Variants in ASZ1 observed in about 807,000 individuals in gnomAD.
ASZ1 encodes the protein ankyrin repeat, SAM and basic leucine zipper domain-containing protein 1.
ASZ1 carries 67 observed loss-of-function variants against 61.8 expected under a neutral mutation model. The observed-to-expected ratio is 1.08, with a 90% CI of 0.89 to 1.33. ASZ1 has a LOEUF of 1.33. ASZ1 is among the 40% of genes most tolerant of loss of function. The pLI is 0.00. For synonymous variants in ASZ1, 193 were observed against 192.7 expected, an observed-to-expected ratio of 1.00 and a Z score of -0.01; for missense variants, 577 against 554.5, an observed-to-expected ratio of 1.04 and a Z score of -0.41.
chr7:117,419,534 A>T (rs538999005), intron 4 of ASZ1, among the ~76,000 whole-genome samples: 17 of 152,350 alleles, frequency 1.1e-4, no homozygotes, highest in Admixed American at 3.9e-4. Flanking sequence ...ACTCATTTTA[A>T]AGATTAAATG....
rs770060817 is a variant in ASZ1 at position 117,368,710 on chromosome 7, C to T, written c.1063G>A (p.Glu355Lys). 6.2e-7 allele frequency: 1 copy of T among 1,612,362 alleles called. No homozygotes were observed. Among genetic ancestry groups the T allele is most frequent in the African/African-American group, 1.3e-5 (1 of 74,834 alleles). ...AATTTGAGAAGAAAGTTGAGGAACT[C>T]ATCACCACTAAAGAAAGGAAACAAA... is the stretch of plus-strand genomic sequence containing the variant. ...EETKLEISGD[E>K]FLNFLLKLNK... Residue 355 changes from glutamate (E) to lysine (K), a missense_variant, in exon 11 of 13, where the codon GAG (glutamate) becomes AAG (lysine). Glu to Lys is a moderately conservative substitution (Grantham distance 56, BLOSUM62 1). Coordinates refer to ENST00000284629, the MANE Select transcript of ASZ1 (RefSeq NM_130768.3).
intron 9 of ASZ1, among the ~76,000 whole-genome samples, chr7:117,380,295 C>G (rs1208387369): frequency 6.6e-6 from 1 of 151,578 alleles, no homozygotes; most frequent in Non-Finnish European, 1.5e-5. Context: ...CTATGATGGA[C>G]TCCCAAAACA....
intron 4 of ASZ1, among the ~76,000 whole-genome samples, chr7:117,389,683 C>T (rs6466611): frequency 0.55 from 83,155 of 152,066 alleles, 25,977 homozygotes; most frequent in African/African-American, 0.87. Context: ...ACAAGTCATG[C>T]AGACCTGCAC....
chr7:117,427,191 C>G (rs549817488), intron 1 of ASZ1, among the ~76,000 whole-genome samples, 165 bp downstream of exon 1: 2 of 152,218 alleles, frequency 1.3e-5, no homozygotes, highest in South Asian at 4.1e-4. Context: ...GGAGGGAACA[C>G]GAGGAAATTT....
chr7:117,380,939 G>T, intron 9 of ASZ1, 72 bp downstream of exon 9: 2 of 1,335,742 alleles, frequency 1.5e-6, no homozygotes, highest in Non-Finnish European at 1.1e-6. Flanking sequence ...ATTTTAAAAA[G>T]AGAGAAGAAA....
At chr7:117,416,512 T>A (rs1228103295) in intron 4 of ASZ1, among the ~76,000 whole-genome samples, 1 of 152,202 alleles carries the variant, frequency 6.6e-6, no homozygotes, top group African/African-American at 2.4e-5. Flanking sequence ...TTAAAATTTA[T>A]TATATTCAGT....
At chr7:117,403,193 C>T (rs558424788) in intron 4 of ASZ1, among the ~76,000 whole-genome samples, 8 of 152,130 alleles carry the variant, frequency 5.3e-5, no homozygotes, top group South Asian at 2.1e-4. Context: ...AATAAGAAAA[C>T]GTTACGTACC....
chr7:117,382,057 A>G lies in ASZ1; in HGVS notation c.888+12T>C. The G allele has an allele frequency of 2.6e-6, 4 of 1,510,554 alleles. No individual in the cohort carries two copies. The highest frequency in any genetic ancestry group is 1.1e-5 in the South Asian group (1 of 88,558). The allele number at this position is 1,510,554 out of a possible 1,614,324, so 93.6% of individuals were successfully genotyped here. On this transcript the variant is annotated intron_variant, in intron 8 of 12. Transcript: ENST00000284629. ...ATATGCATAACTCACTGTAGGTTATATAAGATCTTACCTTTAGTAAATCTG... is the reference window on the plus strand; with the variant it reads ...ATATGCATAACTCACTGTAGGTTATGTAAGATCTTACCTTTAGTAAATCTG...
chr7:117,415,205 T>C (rs1463511976), intron 4 of ASZ1, among the ~76,000 whole-genome samples: 1 of 152,228 alleles, frequency 6.6e-6, no homozygotes, highest in Non-Finnish European at 1.5e-5. Context: ...AGATGGTATC[T>C]CTTTATCTGT....
chr7:117,364,251 G>A (rs1281777103), intron 12 of ASZ1, among the ~76,000 whole-genome samples: 2 of 152,136 alleles, frequency 1.3e-5, no homozygotes, highest in Non-Finnish European at 2.9e-5. Flanking sequence ...AAAAACTTAA[G>A]TGGTTCTTTT....
At chr7:117,417,268 ATTTAT>A (rs1339880845) in intron 4 of ASZ1, among the ~76,000 whole-genome samples, 1 of 151,842 alleles carries the variant, frequency 6.6e-6, no homozygotes, top group Non-Finnish European at 1.5e-5. Flanking sequence ...AAATCTAGCC[ATTTAT>A]GTTTTATGGC....
At chr7:117,378,141 G>C (rs1796172160) in intron 10 of ASZ1, among the ~76,000 whole-genome samples, 3 of 152,082 alleles carry the variant, frequency 2.0e-5, no homozygotes, top group Admixed American at 2.0e-4. Flanking sequence ...TCTTTAACCT[G>C]ATACTAAAAA....
chr7:117,403,787 TCTGTGGCCTGTTAGGAA>T (rs1262612478), intron 4 of ASZ1, among the ~76,000 whole-genome samples: 5 of 152,104 alleles, frequency 3.3e-5, no homozygotes, highest in Non-Finnish European at 7.4e-5. Flanking sequence ...CTGGCACTGG[TCTGTGGCCTGTTAGGAA>T]CTGAGCCGCA....
chr7:117,394,953 T>A (rs937161857), intron 4 of ASZ1, among the ~76,000 whole-genome samples: 3 of 152,250 alleles, frequency 2.0e-5, no homozygotes, highest in Non-Finnish European at 4.4e-5. Context: ...AAGGCCTTTT[T>A]AGATTCCTCT....
chr7:117,367,366 C>A lies in ASZ1; in HGVS notation c.1261G>T (p.Asp421Tyr). ...TAAATATATACCTTTTGAATTAGGT[C>A]TTTTAGTTTGCAGACCTTTTCACTC... ...DLSEKVCKLK[D>Y]LIQKLQNERE... Residue 421 changes from aspartate (D) to tyrosine (Y), a missense_variant, in exon 12 of 13, where the codon GAC becomes TAC. Asp to Tyr is a radical substitution (Grantham distance 160). Transcript: ENST00000284629. The A allele has an allele frequency of 2.0e-6, 3 of 1,537,862 alleles. No individual in the cohort carries two copies. Among genetic ancestry groups the A allele is most frequent in the Non-Finnish European group, 2.6e-6 (3 of 1,146,386 alleles).
At position 117,385,197 on chromosome 7, in the gene ASZ1, AT is replaced by A. The variant is rs1278460744; in HGVS notation, c.553-338del. Among the ~76,000 whole-genome samples the A allele has an allele frequency of 6.7e-3, 1,000 of 149,250 alleles. 16 individuals are homozygous for A. The highest frequency in any genetic ancestry group is 0.02 in the African/African-American group (829 of 40,908). On this transcript the variant is annotated intron_variant, in intron 5 of 12. Coordinates refer to ENST00000284629, the MANE Select transcript of ASZ1 (RefSeq NM_130768.3). ...AGCCCAGATTTTGCTGTGTGTTACA[AT>A]TTTTTTTTTTAATCAAGAGTAAGGA...
intron 4 of ASZ1, among the ~76,000 whole-genome samples, chr7:117,393,915 T>C (rs1398134065): frequency 6.6e-6 from 1 of 152,160 alleles, no homozygotes. Flanking sequence ...AGTACTTAAG[T>C]CCTCTTCTCT....
At chr7:117,400,920 T>C (rs750908095) in intron 4 of ASZ1, among the ~76,000 whole-genome samples, 9 of 152,216 alleles carry the variant, frequency 5.9e-5, no homozygotes, top group Non-Finnish European at 1.3e-4. Flanking sequence ...GATCTGCCCT[T>C]ATTCCAACTA....
Position 117,363,527 on chromosome 7 carries a change from C to G in ASZ1, c.*69G>C. 1 of 1,264,464 alleles carries G rather than the reference C, an allele frequency of 7.9e-7. No individual in the cohort carries two copies. Among genetic ancestry groups the G allele is most frequent in the Non-Finnish European group, 1.0e-6 (1 of 956,240 alleles). 78.3% of individuals were successfully genotyped at this position (1,264,464 alleles called of 1,614,324 possible). A position where few individuals can be genotyped will look rare whatever the true frequency, so the allele number is the denominator to read the frequency against. Reference sequence around the variant, plus strand: ...ATGTAAAGTTATATTGTGCTGCAAACAGTTAAAAGCAATGATTTTTGGATG... The same window carrying G: ...ATGTAAAGTTATATTGTGCTGCAAAGAGTTAAAAGCAATGATTTTTGGATG... On this transcript the variant is annotated 3_prime_UTR_variant, in exon 13 of 13. Transcript: ENST00000284629.
Sources: allele counts gnomAD v4.1 joint callset (sites outside exome capture counted in the v4.1 genomes callset), GRCh38; gene constraint gnomAD v4.1.1; transcripts MANE v1.5; gene names NCBI Gene and HGNC (gene_info 2026-07-23, HGNC 2026-07-21).